The following RSL1D1 variants were observed in gnomAD, a reference collection of about 807,000 sequenced individuals.
RSL1D1 encodes the protein ribosomal L1 domain-containing protein 1.
RSL1D1 carries 34 observed loss-of-function variants against 44.6 expected under a neutral mutation model. That is an observed-to-expected ratio of 0.76 (90% CI 0.58 to 1.02). The LOEUF is 1.02. Ranked by LOEUF, RSL1D1 falls within the 50% of genes least tolerant of loss-of-function variation. The pLI, the probability that RSL1D1 is intolerant of heterozygous loss-of-function variation, is 0.00. For missense variants in RSL1D1, 767 were observed against 568.1 expected (o/e 1.35, Z -3.56); for synonymous variants, 271 against 207.4 (o/e 1.31, Z -2.63).
chr16:11,836,307 G>A lies in RSL1D1; in HGVS notation c.*1480C>T, dbSNP rs573032020. 6.6e-5 allele frequency: 10 copies of A among 152,134 alleles called. No homozygotes were observed. The highest frequency in any genetic ancestry group is 1.2e-4 in the African/African-American group (5 of 41,408). The allele number at this position is 152,134 out of a possible 1,614,324, so 9.4% of individuals were successfully genotyped here. ...CTGGACTTTGTCACCCCCACGACCT[G>A]GTGTTGGGTCTGGTCACCCTAACAG... On this transcript the variant is annotated 3_prime_UTR_variant, in exon 9 of 9. Coordinates refer to ENST00000571133, the MANE Select transcript of RSL1D1 (RefSeq NM_015659.3).
At chr16:11,849,915 C>T (rs1401496454) in intron 2 of RSL1D1, among the ~76,000 whole-genome samples, 1 of 152,076 alleles carries the variant, frequency 6.6e-6, no homozygotes, top group Non-Finnish European at 1.5e-5. Flanking sequence ...GCAATGGAGA[C>T]ATCTCCGCTC....
chr16:11,841,007 T>G (rs1440358709), intron 7 of RSL1D1, among the ~76,000 whole-genome samples: 1 of 152,220 alleles, frequency 6.6e-6, no homozygotes, highest in Non-Finnish European at 1.5e-5. Context: ...TAGCTCACAT[T>G]TATTTCAATG....
intron 5 of RSL1D1, among the ~76,000 whole-genome samples, chr16:11,844,310 CT>C (rs1005680121): frequency 2.0e-5 from 3 of 152,174 alleles, no homozygotes; most frequent in African/African-American, 7.2e-5. Flanking sequence ...CTGCAACTTT[CT>C]TTAAGCTGTT....
At chr16:11,846,388 C>G in intron 5 of RSL1D1, 113 bp downstream of exon 5, 1 of 612,552 alleles carries the variant, frequency 1.6e-6, no homozygotes. Flanking sequence ...GAGTAAGACT[C>G]CATCTCAAAA....
chr16:11,840,904 C>G (rs149073040), intron 7 of RSL1D1, among the ~76,000 whole-genome samples: 136 of 152,310 alleles, frequency 8.9e-4, no homozygotes, highest in African/African-American at 3.2e-3. Context: ...CCTGAGCTAT[C>G]AGGATTAAAC....
intron 5 of RSL1D1, among the ~76,000 whole-genome samples, chr16:11,843,078 C>A (rs1027465487): frequency 1.3e-5 from 2 of 151,320 alleles, no homozygotes; most frequent in African/African-American, 2.4e-5. Flanking sequence ...TGCGCCACCA[C>A]GCCCGGCTAA....
At chr16:11,851,121 G>C (rs891216757) in intron 1 of RSL1D1, 2 of 481,504 alleles carry the variant, frequency 4.2e-6, no homozygotes, top group African/African-American at 3.9e-5. Flanking sequence ...TAAGCGATTC[G>C]GTCAAGCGCT....
chr16:11,850,302 T>C lies in RSL1D1; in HGVS notation c.222A>G (p.Pro74=), dbSNP rs1216341297. ...LFLMVVLWKI[P]SKELRVRLTL... ...ACAATCTGACCCTCAGTTCTTTACT[T>C]GGAATTTTCCATAATACCACCATTA... The change falls in exon 2 of 9, where the codon CCA becomes CCG. Residue 74 remains proline (P), a synonymous_variant. Transcript: ENST00000571133. The C allele has an allele frequency of 6.3e-7, 1 of 1,586,246 alleles. No individual in the cohort carries two copies. The highest frequency in any genetic ancestry group is 8.5e-7 in the Non-Finnish European group (1 of 1,172,996).
At position 11,851,538 on chromosome 16, in the gene RSL1D1, C is replaced by G. The variant is rs779985580; in HGVS notation, c.-26G>C. The G allele has an allele frequency of 8.1e-6, 13 of 1,605,628 alleles. No homozygotes were observed. The highest frequency in any genetic ancestry group is 1.1e-5 in the South Asian group (1 of 90,670). On this transcript the variant is annotated 5_prime_UTR_variant, in exon 1 of 9. Coordinates refer to ENST00000571133, the MANE Select transcript of RSL1D1 (RefSeq NM_015659.3). Reference sequence around the variant, plus strand: ...CTTGTTTCCACCTCGTGAAGAGGCGCGTGTGCAACCCCACTGCTGGCTTCT... The same window carrying G: ...CTTGTTTCCACCTCGTGAAGAGGCGGGTGTGCAACCCCACTGCTGGCTTCT...
At chr16:11,847,287 A>G (rs535845776) in intron 3 of RSL1D1, among the ~76,000 whole-genome samples, 2 of 152,282 alleles carry the variant, frequency 1.3e-5, no homozygotes, top group Admixed American at 1.3e-4. Flanking sequence ...AGGTGGGAGA[A>G]TAGCTTGAAC....
intron 5 of RSL1D1, among the ~76,000 whole-genome samples, chr16:11,843,766 G>C (rs2053779392): frequency 6.6e-6 from 1 of 150,478 alleles, no homozygotes; most frequent in South Asian, 2.1e-4. Flanking sequence ...AGCTACTTGG[G>C]AGGCTGAGGC....
rs1367236050 is a variant in RSL1D1, at chr16:11,837,912, CT to C, written c.1347del (p.Asp450MetfsTer21). 1.9e-6 allele frequency: 3 copies of C among 1,613,872 alleles called. No individual in the cohort carries two copies. The highest frequency in any genetic ancestry group is 2.5e-6 in the Non-Finnish European group (3 of 1,180,014). On this transcript the variant is annotated frameshift_variant, in exon 9 of 9. Coordinates refer to ENST00000571133, the MANE Select transcript of RSL1D1 (RefSeq NM_015659.3). LOFTEE classifies it low-confidence loss of function (END_TRUNC). ...GGCTTTTTTGGAGTCTGTCTCGCAT[CT>C]TTTTTCCCCAGCGAAGGACTTTTTT... ...VKEKSPSLGKKDARQTPKKPE... is the reference protein window; with the variant it reads ...VKEKSPSLGKXDARQTPKKPE...
chr16:11,840,047 T>C (rs199821911), intron 7 of RSL1D1, 62 bp from the exon 8 acceptor site: 18 of 1,572,536 alleles, frequency 1.1e-5, no homozygotes, highest in Admixed American at 3.7e-5. Context: ...ACAAACGGCA[T>C]AGATGTACCA....
intron 5 of RSL1D1, among the ~76,000 whole-genome samples, chr16:11,845,896 G>C (rs1313547432): frequency 6.6e-6 from 1 of 151,540 alleles, no homozygotes; most frequent in South Asian, 2.1e-4. Context: ...TAATGTTCTT[G>C]ATTTTTCTGT....
intron 2 of RSL1D1, among the ~76,000 whole-genome samples, 170 bp downstream of exon 2, chr16:11,850,109 G>C (rs1390547222): frequency 6.6e-6 from 1 of 152,192 alleles, no homozygotes; most frequent in African/African-American, 2.4e-5. Context: ...TTACAGGTGT[G>C]AGCCACCACA....
At chr16:11,851,347 C>G (rs1325752868) in intron 1 of RSL1D1, 61 bp downstream of exon 1, 2 of 1,515,084 alleles carry the variant, frequency 1.3e-6, no homozygotes, top group Non-Finnish European at 1.8e-6. Flanking sequence ...TTCCGGCACC[C>G]TGCGCCTCAC....
At chr16:11,850,201 T>C (rs2053827326) in intron 2 of RSL1D1, 78 bp downstream of exon 2, 1 of 1,371,096 alleles carries the variant, frequency 7.3e-7, no homozygotes, top group Non-Finnish European at 9.8e-7. Context: ...TTTCCATTAG[T>C]AACCATGATG....
chr16:11,838,512 C>T (rs1220947962), intron 8 of RSL1D1, among the ~76,000 whole-genome samples: 1 of 151,908 alleles, frequency 6.6e-6, no homozygotes, highest in Non-Finnish European at 1.5e-5. Flanking sequence ...TATTAGTTAA[C>T]CCCCAAAAGG....
chr16:11,840,311 A>G (rs867140381), intron 7 of RSL1D1, among the ~76,000 whole-genome samples: 13 of 152,272 alleles, frequency 8.5e-5, no homozygotes, highest in Middle Eastern at 6.8e-3. Flanking sequence ...CACGCCTGTA[A>G]TCACAGCACT....
Sources: allele counts gnomAD v4.1 joint callset (sites outside exome capture counted in the v4.1 genomes callset), GRCh38; gene constraint gnomAD v4.1.1; transcripts MANE v1.5; gene names NCBI Gene and HGNC (gene_info 2026-07-23, HGNC 2026-07-21).